IGSF11: variants seen among roughly 807,000 people sequenced by gnomAD.
IGSF11 encodes CXADR like 1.
In IGSF11, 22 loss-of-function variants were observed where a neutral mutation model predicts 41.0. The ratio of observed to expected loss-of-function variants is 0.54; its 90% CI spans 0.38 to 0.77. The LOEUF (loss-of-function observed/expected upper bound fraction) is 0.77. IGSF11 is among the 30% of genes least tolerant of loss of function. IGSF11 has a pLI of 0.00. For missense variants in IGSF11, 444 were observed against 530.8 expected, an observed-to-expected ratio of 0.84 and a Z score of 1.61; for synonymous variants, 219 against 201.3, an observed-to-expected ratio of 1.09 and a Z score of -0.74.
chr3:119,034,185 T>C (rs148513649), intron 1 of IGSF11, among the ~76,000 whole-genome samples: 301 of 152,344 alleles, frequency 2.0e-3, no homozygotes, highest in African/African-American at 6.3e-3. Context: ...TGGTTCTAAA[T>C]ACAGTTTCTA....
intron 1 of IGSF11, among the ~76,000 whole-genome samples, chr3:119,026,988 C>T (rs1421731253): frequency 6.6e-6 from 1 of 152,084 alleles, no homozygotes; most frequent in African/African-American, 2.4e-5. Flanking sequence ...AAACTTGTAT[C>T]TGACATTGTG....
intron 1 of IGSF11, chr3:119,013,256 T>C (rs1938337584): frequency 6.6e-6 from 1 of 152,292 alleles, no homozygotes; most frequent in African/African-American, 2.4e-5. Flanking sequence ...AAGACTTCCT[T>C]TGGTGATGGA....
At chr3:119,115,812 CT>C (rs1559877095) in intron 1 of IGSF11, among the ~76,000 whole-genome samples, 6 of 152,066 alleles carry the variant, frequency 3.9e-5, no homozygotes, top group Admixed American at 2.6e-4. Flanking sequence ...TCTATATAAT[CT>C]TCTAAAATGA....
Position 118,902,775 on chromosome 3 carries a change from G to T in IGSF11, c.1041C>A (p.Phe347Leu). The T allele has an allele frequency of 1.2e-6, 2 of 1,614,164 alleles. No individual in the cohort carries two copies. The highest frequency in any genetic ancestry group is 1.7e-6 in the Non-Finnish European group (2 of 1,179,990). Residue 347 changes from phenylalanine (F) to leucine (L), a missense_variant, in exon 7 of 7, where the codon TTC becomes TTA. Coordinates refer to ENST00000393775, the MANE Select transcript of IGSF11 (RefSeq NM_001015887.3). ...HFSDLGQSFS[F>L]HSGNANIPSI... ...ATGGTATGTTGGCATTGCCTGAGTG[G>T]AAAGAGAAAGATTGGCCCAAGTCAC...
At chr3:118,951,863 G>GT (rs1944596854) in intron 1 of IGSF11, among the ~76,000 whole-genome samples, 1 of 151,888 alleles carries the variant, frequency 6.6e-6, no homozygotes, top group Non-Finnish European at 1.5e-5. Context: ...TTTTATCATT[G>GT]TGTTTTTTTA....
chr3:118,955,444 G>T (rs2107590647), intron 1 of IGSF11, among the ~76,000 whole-genome samples: 1 of 152,008 alleles, frequency 6.6e-6, no homozygotes, highest in Middle Eastern at 3.4e-3. Flanking sequence ...AATTTTTATG[G>T]TTTCAGGTAT....
chr3:119,059,657 T>G (rs1941991931), intron 1 of IGSF11, among the ~76,000 whole-genome samples: 1 of 149,632 alleles, frequency 6.7e-6, no homozygotes, highest in Non-Finnish European at 1.5e-5. Flanking sequence ...CACTGGTGAT[T>G]TTTTTTTTTA....
chr3:118,973,626 T>G (rs938585934), intron 1 of IGSF11, among the ~76,000 whole-genome samples: 1 of 152,154 alleles, frequency 6.6e-6, no homozygotes, highest in Non-Finnish European at 1.5e-5. Context: ...TAAAAAACTA[T>G]GCTAAGTAAT....
At chr3:118,933,470 T>TATATATATATATATATATA (rs59418588) in intron 1 of IGSF11, among the ~76,000 whole-genome samples, 5 of 146,144 alleles carry the variant, frequency 3.4e-5, no homozygotes, top group African/African-American at 1.3e-4. Flanking sequence ...CATGTATTTT[T>TATATATATATATATATATA]TATATATATA....
intron 4 of IGSF11, among the ~76,000 whole-genome samples, chr3:118,915,314 C>T (rs1940957296): frequency 8.2e-6 from 1 of 121,720 alleles, no homozygotes; most frequent in Non-Finnish European, 1.6e-5. Context: ...CTCTGAGCTA[C>T]GGGAGGACAT....
At chr3:119,038,726 C>A (rs1218909963), upstream of IGSF11, among the ~76,000 whole-genome samples, 4 of 152,066 alleles carry the variant, frequency 2.6e-5, 1 homozygote, top group South Asian at 8.3e-4. Context: ...TGCCAAGTTT[C>A]TTTACCAGTT....
intron 1 of IGSF11, among the ~76,000 whole-genome samples, chr3:118,954,426 T>A (rs754526675): frequency 2.6e-5 from 4 of 152,096 alleles, no homozygotes; most frequent in Non-Finnish European, 5.9e-5. Context: ...CAAGTCTAGT[T>A]ATTTTGCTAT....
At chr3:118,975,666 A>G (rs923218019) in intron 1 of IGSF11, among the ~76,000 whole-genome samples, 1 of 152,236 alleles carries the variant, frequency 6.6e-6, no homozygotes, top group African/African-American at 2.4e-5. Context: ...GTACACATAC[A>G]CCATGGAATA....
chr3:119,078,362 A>G (rs2076535375), intron 1 of IGSF11, among the ~76,000 whole-genome samples: 1 of 152,198 alleles, frequency 6.6e-6, no homozygotes, highest in Non-Finnish European at 1.5e-5. Flanking sequence ...TACTGGTACA[A>G]AAACAGAGAC....
At chr3:118,975,561 T>A (rs72968638) in intron 1 of IGSF11, among the ~76,000 whole-genome samples, 4,417 of 152,266 alleles carry the variant, frequency 0.029, 228 homozygotes, top group African/African-American at 0.1. Context: ...AGATGAAGCA[T>A]CAACTCTTAT....
intron 1 of IGSF11, among the ~76,000 whole-genome samples, chr3:119,083,349 C>G (rs189727245): frequency 1.3e-5 from 2 of 152,028 alleles, no homozygotes; most frequent in Non-Finnish European, 2.9e-5. Context: ...GTAATCCTCC[C>G]GCCTCGGCCT....
At chr3:118,974,199 T>C (rs1933798245) in intron 1 of IGSF11, among the ~76,000 whole-genome samples, 1 of 152,114 alleles carries the variant, frequency 6.6e-6, no homozygotes, top group Non-Finnish European at 1.5e-5. Flanking sequence ...TCAGGTGACC[T>C]TGAACGTCAA....
intron 1 of IGSF11, among the ~76,000 whole-genome samples, chr3:119,021,106 T>C (rs868361088): frequency 5.9e-5 from 9 of 152,314 alleles, no homozygotes; most frequent in Middle Eastern, 3.4e-3. Context: ...GAATAAAATT[T>C]CTGTGACCTC....
intron 1 of IGSF11, among the ~76,000 whole-genome samples, chr3:119,083,879 T>G (rs182078191): frequency 2.6e-5 from 4 of 152,224 alleles, no homozygotes; most frequent in Admixed American, 2.0e-4. Context: ...TTTTAAAAAT[T>G]TAATGTAAAT....
Sources: allele counts gnomAD v4.1 joint callset (sites outside exome capture counted in the v4.1 genomes callset), GRCh38; gene constraint gnomAD v4.1.1; transcripts MANE v1.5; gene names NCBI Gene and HGNC (gene_info 2026-07-23, HGNC 2026-07-21).